KLHL13: variants seen among roughly 807,000 people sequenced by gnomAD.
The protein encoded by KLHL13 is kelch-like protein 13.
Under a neutral mutation model 37.1 loss-of-function variants are expected in KLHL13, and 10 were observed. The ratio of observed to expected loss-of-function variants is 0.27; its 90% CI spans 0.17 to 0.46. The LOEUF (loss-of-function observed/expected upper bound fraction) is 0.46, where lower values mean the gene tolerates loss of function less well. KLHL13 is among the 20% of genes least tolerant of loss of function. The pLI is 1.00. For missense variants in KLHL13, 360 were observed against 509.3 expected (o/e 0.71, Z 2.82); for synonymous variants, 163 against 181.2 (o/e 0.90, Z 0.81).
At chrX:117,921,925 T>C (rs1300290316) in intron 2 of KLHL13, among the ~76,000 whole-genome samples, 1 of 112,180 alleles carries the variant, frequency 8.9e-6, no homozygotes, top group Non-Finnish European at 1.9e-5. Context: ...AGATTATATA[T>C]CATATTTTTC....
chrX:118,084,717 C>T (rs1300024530), intron 1 of KLHL13, among the ~76,000 whole-genome samples: 1 of 111,316 alleles, frequency 9.0e-6, no homozygotes, highest in East Asian at 2.8e-4. Context: ...TGACACAGTA[C>T]TATGGAGTTA....
chrX:118,031,560 T>TTATATATATATTAGTTA lies in KLHL13; in HGVS notation c.-56+84931_-56+84947dup, dbSNP rs2054345869. Among the ~76,000 whole-genome samples the TTATATATATATTAGTTA allele has an allele frequency of 1.2e-4, 10 of 83,910 alleles. No individual in the cohort carries two copies. In the East Asian group the frequency reaches 3.0e-3, roughly 25 times the overall value. 72.9% of individuals were successfully genotyped at this position (83,910 alleles called of 115,157 possible). A position where few individuals can be genotyped will look rare whatever the true frequency, so the allele number is the denominator to read the frequency against. On this transcript the variant is annotated intron_variant, in intron 1 of 6. Coordinates refer to the KLHL13 transcript ENST00000371882. ...ATATATTAGTTATATATATATTTAG[T>TTATATATATATTAGTTA]TATATATATATTAGTTATATATATA... is the stretch of plus-strand genomic sequence containing the variant.
chrX:117,935,017 C>T (rs1412865633), intron 2 of KLHL13, among the ~76,000 whole-genome samples: 1 of 112,236 alleles, frequency 8.9e-6, no homozygotes. Context: ...AACCCTCATG[C>T]ACTGCCAGTG....
Position 118,013,653 on chromosome X carries a change from T to C in KLHL13, c.-55-68078A>G, listed in dbSNP as rs987003702. ...AGTAAAGAGAGGATTTGACACAGTA[T>C]AGAGCAAAAATCAATAAATAGAAGG... On this transcript the variant is annotated intron_variant, in intron 1 of 6. Coordinates refer to the KLHL13 transcript ENST00000371882. Among the ~76,000 whole-genome samples the C allele has an allele frequency of 1.8e-4, 20 of 111,375 alleles. No individual in the cohort carries two copies. In the Admixed American group the frequency reaches 1.9e-3, roughly 11 times the overall value.
intron 1 of KLHL13, among the ~76,000 whole-genome samples, chrX:118,069,018 G>C (rs1214278012): frequency 9.1e-6 from 1 of 109,418 alleles, no homozygotes; most frequent in Non-Finnish European, 1.9e-5. Context: ...CCTGCCCCTA[G>C]GGACCTGAGC....
At chrX:118,025,161 A>G (rs895264006) in intron 1 of KLHL13, among the ~76,000 whole-genome samples, 1 of 111,609 alleles carries the variant, frequency 9.0e-6, no homozygotes, top group African/African-American at 3.3e-5. Context: ...TATTTTCTGT[A>G]TCTGTGAGCA....
intron 1 of KLHL13, among the ~76,000 whole-genome samples, chrX:118,046,126 T>C (rs2054556902): frequency 8.9e-6 from 1 of 112,232 alleles, no homozygotes; most frequent in Admixed American, 9.4e-5. Flanking sequence ...TAGCCAAGAT[T>C]TGGAAGCAAC....
At chrX:118,046,291 A>G (rs967730466) in intron 1 of KLHL13, among the ~76,000 whole-genome samples, 4 of 112,294 alleles carry the variant, frequency 3.6e-5, no homozygotes, top group Non-Finnish European at 7.5e-5. Flanking sequence ...CCAGGCACAG[A>G]AAGATAAACT....
chrX:118,014,464 T>C (rs2054104348), intron 1 of KLHL13, among the ~76,000 whole-genome samples: 1 of 112,249 alleles, frequency 8.9e-6, no homozygotes, highest in Non-Finnish European at 1.9e-5. Flanking sequence ...AAGATGTTTA[T>C]CAAGACAATG....
At chrX:118,002,596 A>AAATC (rs1362459056) in intron 1 of KLHL13, among the ~76,000 whole-genome samples, 5 of 43,134 alleles carry the variant, frequency 1.2e-4, no homozygotes, top group African/African-American at 6.1e-4. Context: ...TCTGTCTCGA[A>AAATC]AATAAATAAA....
At chrX:118,057,695 G>A (rs761937223) in intron 1 of KLHL13, among the ~76,000 whole-genome samples, 42 of 110,158 alleles carry the variant, frequency 3.8e-4, no homozygotes, top group African/African-American at 1.2e-3. Context: ...GTGTGGTGGC[G>A]GACACCTGTA....
chrX:117,917,001 G>A (rs1487712172), intron 4 of KLHL13, among the ~76,000 whole-genome samples: 1 of 110,994 alleles, frequency 9.0e-6, no homozygotes, highest in Non-Finnish European at 1.9e-5. Flanking sequence ...AAATACACTG[G>A]GCTACTATTT....
At chrX:118,086,539 T>C (rs1428128274) in intron 1 of KLHL13, among the ~76,000 whole-genome samples, 1 of 112,015 alleles carries the variant, frequency 8.9e-6, no homozygotes, top group Non-Finnish European at 1.9e-5. Context: ...TTTTTAATTA[T>C]ATGAGAAATA....
chrX:117,985,467 T>C, intron 1 of KLHL13: 4 of 486,133 alleles, frequency 8.2e-6, no homozygotes, highest in Non-Finnish European at 1.1e-5. Context: ...AAAAAAAACC[T>C]ATGTACTGCA....
At chrX:118,042,062 T>G (rs1445572307) in intron 1 of KLHL13, among the ~76,000 whole-genome samples, 1 of 112,060 alleles carries the variant, frequency 8.9e-6, no homozygotes, top group Non-Finnish European at 1.9e-5. Context: ...AGGATAGCTA[T>G]ATTTATATCA....
At chrX:118,021,772 C>T (rs2054218045) in intron 1 of KLHL13, among the ~76,000 whole-genome samples, 1 of 111,158 alleles carries the variant, frequency 9.0e-6, no homozygotes. Context: ...ATGGCTGGGT[C>T]AAATGGCATT....
At chrX:117,903,777 T>C (rs1426235389) in intron 5 of KLHL13, among the ~76,000 whole-genome samples, 3 of 110,823 alleles carry the variant, frequency 2.7e-5, no homozygotes, top group African/African-American at 9.8e-5. Context: ...CTTCCAGATA[T>C]CATCTTCATC....
At chrX:117,962,041 A>AAATAATAATAATAATAATAAT (rs778789872) in intron 1 of KLHL13, among the ~76,000 whole-genome samples, 1,243 of 102,309 alleles carry the variant, frequency 0.012, 25 homozygotes, top group African/African-American at 0.043. Flanking sequence ...TCATCTCTAC[A>AAATAATAATAATAATAATAAT]AATAATAATA....
chrX:117,903,172 AGGAGAG>A (rs1309632468), intron 5 of KLHL13, among the ~76,000 whole-genome samples: 113 of 95,688 alleles, frequency 1.2e-3, no homozygotes, highest in Non-Finnish European at 1.7e-3. Flanking sequence ...AGAGAGAGAG[AGGAGAG>A]CGAGAGAGAG....
Sources: allele counts gnomAD v4.1 joint callset (sites outside exome capture counted in the v4.1 genomes callset), GRCh38; gene constraint gnomAD v4.1.1; transcripts MANE v1.5; gene names NCBI Gene and HGNC (gene_info 2026-07-23, HGNC 2026-07-21).